The following BOC variants were observed in gnomAD, a reference collection of about 807,000 sequenced individuals.
The protein encoded by BOC is brother of CDO.
BOC carries 76 observed loss-of-function variants against 112.0 expected under a neutral mutation model. The ratio of observed to expected loss-of-function variants is 0.68; its 90% CI spans 0.56 to 0.82. BOC has a LOEUF of 0.82. BOC is among the 40% of genes least tolerant of loss of function. The probability of loss-of-function intolerance (pLI) is 0.00; values close to 1 mark genes in which losing one functional copy is unlikely to be tolerated. For missense variants in BOC, 1,309 were observed against 1,511.7 expected, an observed-to-expected ratio of 0.87 and a Z score of 2.22; for synonymous variants, 580 against 599.8, an observed-to-expected ratio of 0.97 and a Z score of 0.48.
Position 113,285,399 on chromosome 3 carries a change from C to T in BOC, c.2994C>T (p.Gly998=), listed in dbSNP as rs372540561. 6 of 1,613,470 alleles carry T rather than the reference C, an allele frequency of 3.7e-6. No individual in the cohort carries two copies. Among genetic ancestry groups the T allele is most frequent in the African/African-American group, 1.3e-5 (1 of 75,030 alleles). The part of the protein sequence containing the change: ...TRGPKSSPDE[G]SFLYTLPDDS... ...GTCCCAAGTCTAGCCCGGACGAGGG[C>T]TCTTTCTTATACACACTGCCCGACG... Residue 998 remains glycine, a synonymous_variant, in exon 19 of 20, where the codon GGC becomes GGT. Coordinates refer to ENST00000682979, the MANE Select transcript of BOC (RefSeq NM_001378074.1).
At chr3:113,222,078 A>G (rs1425072192) in intron 2 of BOC, among the ~76,000 whole-genome samples, 1 of 152,092 alleles carries the variant, frequency 6.6e-6, no homozygotes, top group East Asian at 1.9e-4. Context: ...ACTTTATTAA[A>G]CAGCACTCCC....
At chr3:113,245,464 C>A (rs529767977) in intron 2 of BOC, among the ~76,000 whole-genome samples, 24 of 152,244 alleles carry the variant, frequency 1.6e-4, no homozygotes, top group Admixed American at 3.3e-4. Flanking sequence ...CACTTATTTC[C>A]CCAATATTTG....
At chr3:113,272,203 A>G (rs1576473955) in intron 6 of BOC, 1 of 603,494 alleles carries the variant, frequency 1.7e-6, no homozygotes, top group East Asian at 2.8e-5. Flanking sequence ...CTTACTCATA[A>G]CAGCTCCCTG....
In BOC at chr3:113,279,865, G is replaced by C; in HGVS notation, c.2065G>C (p.Gly689Arg). The C allele has an allele frequency of 1.2e-6, 2 of 1,613,458 alleles. No homozygotes were observed. Among genetic ancestry groups the C allele is most frequent in the Non-Finnish European group, 8.5e-7 (1 of 1,179,654 alleles). The change falls in exon 13 of 20, where the codon GGG becomes CGG. Residue 689 changes from glycine (G) to arginine (R), a missense_variant. Gly to Arg is a moderately radical substitution (Grantham distance 125). Transcript: ENST00000682979. ...TCGAGTCCGGGCTCTGAACATGCTGGGGGAGAGCGAGCCCAGCGCCCCCTC... is the reference window on the plus strand; with the variant it reads ...TCGAGTCCGGGCTCTGAACATGCTGCGGGAGAGCGAGCCCAGCGCCCCCTC... Reference protein sequence around the residue: ...KFRVRALNMLGESEPSAPSRP... With the variant: ...KFRVRALNMLRESEPSAPSRP...
intron 2 of BOC, among the ~76,000 whole-genome samples, chr3:113,221,463 C>T (rs748814641): frequency 4.1e-4 from 62 of 152,200 alleles, no homozygotes; most frequent in Admixed American, 1.5e-3. Context: ...ATAAACCCCC[C>T]ATGCCTTCCC....
At chr3:113,236,369 A>G (rs1303260542) in intron 2 of BOC, among the ~76,000 whole-genome samples, 4 of 127,876 alleles carry the variant, frequency 3.1e-5, no homozygotes, top group African/African-American at 8.1e-5. Context: ...TTGCAGCAAC[A>G]TAGATAGAAC....
At position 113,226,649 on chromosome 3, in the gene BOC, G is replaced by A. The variant is rs114689870; in HGVS notation, c.-82+10375G>A. 6.3e-3 allele frequency among the ~76,000 whole-genome samples: 959 copies of A among 152,294 alleles called. 11 individuals are homozygous for A. The highest frequency in any genetic ancestry group is 0.022 in the African/African-American group (905 of 41,558). On this transcript the variant is annotated intron_variant, in intron 2 of 19. Transcript: ENST00000682979. ...TGTTAATACCCTTAATCTGGATGGGGGAAAGGTAGTGAGACCTCATTTCTG... is the reference window on the plus strand; with the variant it reads ...TGTTAATACCCTTAATCTGGATGGGAGAAAGGTAGTGAGACCTCATTTCTG...
In BOC at chr3:113,272,591, C is replaced by T. The variant is rs1948238116; in HGVS notation, c.849C>T (p.Asn283=). ...ACAAGACGCGCTTCCTGCTGAGCAACCTCCTCATCGACACCACCAGCGAGG... is the reference window on the plus strand; with the variant it reads ...ACAAGACGCGCTTCCTGCTGAGCAATCTCCTCATCGACACCACCAGCGAGG... ...GYNKTRFLLS[N]LLIDTTSEED... is the part of the protein sequence containing the mutation. The change falls in exon 7 of 20, where the codon AAC becomes AAT. Residue 283 remains asparagine, a synonymous_variant. Transcript: ENST00000682979. 1 of 1,614,084 alleles carries T rather than the reference C, an allele frequency of 6.2e-7. No individual in the cohort carries two copies. The highest frequency in any genetic ancestry group is 1.1e-5 in the South Asian group (1 of 91,074).
intron 4 of BOC, among the ~76,000 whole-genome samples, chr3:113,265,183 G>A (rs1947336228): frequency 6.6e-6 from 1 of 152,210 alleles, no homozygotes. Flanking sequence ...CTCCGTGCCT[G>A]GATAAGCCCT....
intron 1 of BOC, chr3:113,212,269 G>C (rs1938322470): frequency 6.6e-6 from 1 of 151,998 alleles, no homozygotes; most frequent in Non-Finnish European, 1.5e-5. Context: ...GGGGTCCCGG[G>C]GGCTGCAGCC....
Position 113,283,718 on chromosome 3 carries a change from T to C in BOC, c.2656+86T>C, listed in dbSNP as rs915366944. ...AGGCCTCTGCCTAGGTCTGTGTCCA[T>C]GGAAAGCTCAAGCCCAAGTCCCCCA... On this transcript the variant is annotated intron_variant, in intron 16 of 19. Coordinates refer to ENST00000682979, the MANE Select transcript of BOC (RefSeq NM_001378074.1). The C allele has an allele frequency of 1.8e-5, 24 of 1,326,588 alleles. No homozygotes were observed. The African/African-American group carries it at 2.2e-4, about 12-fold the overall frequency. 82.2% of individuals were successfully genotyped at this position (1,326,588 alleles called of 1,614,324 possible). A position where few individuals can be genotyped will look rare whatever the true frequency, so the allele number is the denominator to read the frequency against.
At chr3:113,237,595 T>G (rs190448711) in intron 2 of BOC, among the ~76,000 whole-genome samples, 1 of 152,334 alleles carries the variant, frequency 6.6e-6, no homozygotes, top group Non-Finnish European at 1.5e-5. Flanking sequence ...GAATGGAACC[T>G]CAAGGCACAG....
chr3:113,285,642 A>C, intron 19 of BOC, 77 bp downstream of exon 19: 1 of 1,360,670 alleles, frequency 7.3e-7, no homozygotes, highest in Non-Finnish European at 9.8e-7. Flanking sequence ...GCCAGTAGTA[A>C]CAGTCTTCAA....
intron 8 of BOC, 44 bp downstream of exon 8, chr3:113,273,385 T>G: frequency 6.5e-7 from 1 of 1,531,300 alleles, no homozygotes; most frequent in Non-Finnish European, 8.8e-7. Context: ...GATGATTCAC[T>G]GAATCCTTTT....
At chr3:113,273,472 A>G in intron 8 of BOC, 131 bp downstream of exon 8, 2 of 997,026 alleles carry the variant, frequency 2.0e-6, no homozygotes, top group Non-Finnish European at 2.8e-6. Flanking sequence ...TCAAATTTAT[A>G]TGAACTTAAT....
At chr3:113,234,915 A>G (rs1943217939) in intron 2 of BOC, among the ~76,000 whole-genome samples, 1 of 152,016 alleles carries the variant, frequency 6.6e-6, no homozygotes, top group African/African-American at 2.4e-5. Flanking sequence ...GGGATAATAC[A>G]CTGTGTTCTT....
intron 17 of BOC, 79 bp from the exon 18 acceptor site, chr3:113,284,703 G>A: frequency 2.0e-6 from 3 of 1,523,956 alleles, no homozygotes; most frequent in Middle Eastern, 1.7e-4. Context: ...AGGAGCAGAT[G>A]CTCCTGTTGT....
chr3:113,212,165 C>G (rs1418146555), intron 1 of BOC, 149 bp downstream of exon 1: 2 of 150,874 alleles, frequency 1.3e-5, no homozygotes, highest in Non-Finnish European at 3.0e-5. Context: ...GGAGCCGGGT[C>G]CCAGCGCTCG....
intron 2 of BOC, among the ~76,000 whole-genome samples, chr3:113,231,306 A>G (rs1383737565): frequency 6.6e-6 from 1 of 152,266 alleles, no homozygotes; most frequent in Non-Finnish European, 1.5e-5. Context: ...ATCTTCAGAG[A>G]TAACTGATAC....
Sources: gnomAD v4.1 joint callset for allele counts (sites outside exome capture counted in the v4.1 genomes callset) on GRCh38, gnomAD v4.1.1 for gene constraint, MANE v1.5 for transcripts, NCBI Gene and HGNC (gene_info 2026-07-23, HGNC 2026-07-21) for gene names.